The following AUTS2 variants were observed in gnomAD, a reference collection of about 807,000 sequenced individuals.
AUTS2 encodes activator of transcription and developmental regulator AUTS2, also known as autism susceptibility gene 2 protein.
AUTS2 carries 17 observed loss-of-function variants against 112.4 expected under a neutral mutation model. The ratio of observed to expected loss-of-function variants is 0.15; its 90% CI spans 0.10 to 0.23. AUTS2 has a LOEUF of 0.23. AUTS2 is among the 10% of genes least tolerant of loss of function. The pLI, the probability that AUTS2 is intolerant of heterozygous loss-of-function variation, is 1.00. For synonymous variants in AUTS2, 751 were observed against 702.7 expected, an observed-to-expected ratio of 1.07 and a Z score of -1.09; for missense variants, 1,510 against 1,701.6, an observed-to-expected ratio of 0.89 and a Z score of 1.98.
intron 4 of AUTS2, among the ~76,000 whole-genome samples, chr7:70,236,861 C>T (rs891196180): frequency 6.6e-6 from 1 of 152,104 alleles, no homozygotes; most frequent in Non-Finnish European, 1.5e-5. Context: ...GACTCATCAC[C>T]CAAGCCAGCA....
chr7:70,363,815 C>T (rs1249814691), intron 4 of AUTS2, among the ~76,000 whole-genome samples: 1 of 152,202 alleles, frequency 6.6e-6, no homozygotes, highest in African/African-American at 2.4e-5. Context: ...AAACCTAAGT[C>T]TCCCAGCTTC....
intron 5 of AUTS2, among the ~76,000 whole-genome samples, chr7:70,455,656 C>T (rs982045745): frequency 3.3e-5 from 5 of 152,254 alleles, no homozygotes; most frequent in African/African-American, 1.2e-4. Context: ...TGTGGTGGCT[C>T]ATGCCTGTAG....
chr7:69,606,800 TG>T (rs1195859179), intron 1 of AUTS2, among the ~76,000 whole-genome samples: 1 of 152,192 alleles, frequency 6.6e-6, no homozygotes, highest in African/African-American at 2.4e-5. Context: ...ATTAGTGAGC[TG>T]GGGCAGAACT....
At chr7:70,164,336 TTA>T (rs2129577869) in intron 4 of AUTS2, among the ~76,000 whole-genome samples, 2 of 152,322 alleles carry the variant, frequency 1.3e-5, no homozygotes, top group South Asian at 4.2e-4. Context: ...TCAAATTTTC[TTA>T]GTTTATACTT....
chr7:70,059,250 A>G (rs1159731223), intron 2 of AUTS2, among the ~76,000 whole-genome samples: 1 of 152,212 alleles, frequency 6.6e-6, no homozygotes, highest in Admixed American at 6.5e-5. Context: ...AGTTGGAATC[A>G]TACTATATAT....
At chr7:69,722,266 A>C (rs1210019430) in intron 1 of AUTS2, among the ~76,000 whole-genome samples, 1 of 152,130 alleles carries the variant, frequency 6.6e-6, no homozygotes, top group African/African-American at 2.4e-5. Context: ...TTTTTCTCAC[A>C]ATAGTAGTTA....
At chr7:70,716,204 C>T (rs547227073) in intron 6 of AUTS2, among the ~76,000 whole-genome samples, 4 of 152,282 alleles carry the variant, frequency 2.6e-5, no homozygotes, top group South Asian at 2.1e-4. Flanking sequence ...CTAGCCAGGT[C>T]CGTCTATTAC....
chr7:69,848,508 A>G (rs1055390479), intron 1 of AUTS2, among the ~76,000 whole-genome samples: 2 of 152,086 alleles, frequency 1.3e-5, no homozygotes, highest in Non-Finnish European at 2.9e-5. Flanking sequence ...GTGTGTGTGC[A>G]CACACACAGT....
chr7:70,368,576 A>G (rs547877204), intron 4 of AUTS2, among the ~76,000 whole-genome samples: 7 of 152,318 alleles, frequency 4.6e-5, no homozygotes, highest in African/African-American at 1.4e-4. Context: ...TATGGCCAAC[A>G]TTAATTAGGA....
intron 4 of AUTS2, among the ~76,000 whole-genome samples, chr7:70,204,005 G>A (rs1289972284): frequency 6.8e-6 from 1 of 146,752 alleles, no homozygotes; most frequent in East Asian, 2.0e-4. Context: ...TTAGTTGTTT[G>A]AGCATTTTTG....
intron 1 of AUTS2, among the ~76,000 whole-genome samples, chr7:69,793,768 T>A (rs1310857734): frequency 2.0e-5 from 3 of 152,004 alleles, no homozygotes; most frequent in Non-Finnish European, 4.4e-5. Context: ...AAACATTAAA[T>A]TTTTTAAATG....
rs187448450 is a variant in AUTS2, at chr7:69,804,237, T to C, written c.310-95049T>C. On this transcript the variant is annotated intron_variant, in intron 1 of 18. Coordinates refer to ENST00000342771, the MANE Select transcript of AUTS2 (RefSeq NM_015570.4). ...GGGAGTGTTGCTGGGGGAGTGGGTG[T>C]GAAACCATAACACACATATATGGTC... 2.1e-3 allele frequency among the ~76,000 whole-genome samples: 321 copies of C among 152,198 alleles called. 2 individuals carry two copies. Among genetic ancestry groups the C allele is most frequent in the Admixed American group, 0.017 (264 of 15,292 alleles).
intron 5 of AUTS2, among the ~76,000 whole-genome samples, chr7:70,484,705 A>G (rs1433850143): frequency 6.6e-6 from 1 of 152,224 alleles, no homozygotes; most frequent in African/African-American, 2.4e-5. Flanking sequence ...TTGTAGGTTT[A>G]GGATCAACCT....
intron 5 of AUTS2, among the ~76,000 whole-genome samples, chr7:70,672,641 T>A (rs1807705449): frequency 6.6e-6 from 1 of 152,038 alleles, no homozygotes; most frequent in South Asian, 2.1e-4. Context: ...TCTCACTCTG[T>A]CACCAGGCTG....
intron 2 of AUTS2, among the ~76,000 whole-genome samples, chr7:70,063,929 TAGA>T (rs1207244995): frequency 1.3e-5 from 2 of 152,060 alleles, no homozygotes; most frequent in Non-Finnish European, 2.9e-5. Context: ...CAAGAGAGAG[TAGA>T]AGGAGTGGCA....
chr7:70,427,678 G>A (rs1252567008), intron 4 of AUTS2, among the ~76,000 whole-genome samples: 1 of 152,272 alleles, frequency 6.6e-6, no homozygotes, highest in East Asian at 1.9e-4. Flanking sequence ...ACTTCTAATG[G>A]GTGGTAGAAT....
chr7:70,496,774 C>A (rs1798546794), intron 5 of AUTS2, among the ~76,000 whole-genome samples: 1 of 139,814 alleles, frequency 7.2e-6, no homozygotes, highest in Admixed American at 7.4e-5. Context: ...ACACCACGTA[C>A]ACAGTCAGAC....
intron 5 of AUTS2, among the ~76,000 whole-genome samples, chr7:70,567,930 A>G (rs1262960182): frequency 1.3e-5 from 2 of 152,212 alleles, no homozygotes; most frequent in Non-Finnish European, 2.9e-5. Context: ...GAGGCACCAT[A>G]TGAGCAACAA....
At chr7:69,603,387 G>A (rs1313700386) in intron 1 of AUTS2, among the ~76,000 whole-genome samples, 1 of 152,230 alleles carries the variant, frequency 6.6e-6, no homozygotes, top group Non-Finnish European at 1.5e-5. Flanking sequence ...CAGTTCAACT[G>A]ATTTTACTGA....
Sources: allele counts gnomAD v4.1 joint callset (sites outside exome capture counted in the v4.1 genomes callset), GRCh38; gene constraint gnomAD v4.1.1; transcripts MANE v1.5; gene names NCBI Gene and HGNC (gene_info 2026-07-23, HGNC 2026-07-21).